Variants in COLEC10 observed in about 807,000 individuals in gnomAD.
COLEC10 encodes the protein collectin-10.
COLEC10 carries 22 observed loss-of-function variants against 28.4 expected under a neutral mutation model. The ratio of observed to expected loss-of-function variants is 0.78; its 90% CI spans 0.55 to 1.11. The LOEUF is 1.11. Ranked by LOEUF, COLEC10 falls within the 50% of genes least tolerant of loss-of-function variation. The pLI is 0.00. For missense variants in COLEC10, 361 were observed against 344.1 expected (o/e 1.05, Z -0.39); for synonymous variants, 125 against 116.1 (o/e 1.08, Z -0.49).
chr8:119,103,690 T>G (rs775218375), intron 4 of COLEC10, 110 bp from the exon 5 acceptor site: 3 of 685,484 alleles, frequency 4.4e-6, no homozygotes, highest in Non-Finnish European at 7.9e-6. Flanking sequence ...TTCACAGATA[T>G]ATAGAACCAG....
At chr8:118,994,702 A>G (rs539998281), upstream of COLEC10, among the ~76,000 whole-genome samples, 1 of 152,296 alleles carries the variant, frequency 6.6e-6, no homozygotes, top group East Asian at 1.9e-4. Context: ...CTCAACACAC[A>G]CACAGAGGGT....
the COLEC10 span, among the ~76,000 whole-genome samples, chr8:118,974,560 G>T: frequency 6.6e-6 from 1 of 151,944 alleles, no homozygotes; most frequent in Non-Finnish European, 1.5e-5. Context: ...CTTGTTCTGG[G>T]AACAACTGTA....
chr8:119,004,741 A>T (rs1044152513), intron 1 of COLEC10, among the ~76,000 whole-genome samples: 1 of 151,766 alleles, frequency 6.6e-6, no homozygotes, highest in African/African-American at 2.4e-5. Flanking sequence ...AACTTGTAGT[A>T]GGTCACCCAA....
chr8:118,998,725 T>C (rs147826068), intron 1 of COLEC10, among the ~76,000 whole-genome samples: 5,891 of 151,074 alleles, frequency 0.039, 177 homozygotes, highest in East Asian at 0.16. Flanking sequence ...CAGGCACCTG[T>C]AGTCCCATCT....
intron 3 of COLEC10, among the ~76,000 whole-genome samples, chr8:119,096,423 CT>C (rs2130293589): frequency 6.6e-6 from 1 of 152,200 alleles, no homozygotes; most frequent in East Asian, 1.9e-4. Context: ...GAAACCCCAT[CT>C]CTACTAAAAA....
At chr8:119,001,062 A>G (rs1052606985) in intron 1 of COLEC10, among the ~76,000 whole-genome samples, 2 of 152,164 alleles carry the variant, frequency 1.3e-5, no homozygotes, top group African/African-American at 4.8e-5. Context: ...ACCTTTTCAT[A>G]TGAGTGAGCT....
chr8:119,105,793 C>T lies in COLEC10; in HGVS notation c.443-7C>T, dbSNP rs1460766226. On this transcript the variant is annotated splice_region_variant and splice_polypyrimidine_tract_variant and intron_variant, in intron 5 of 5. Transcript: ENST00000332843. ...ACGTAATGATACTCCTTTTTCTCTCCCTGCAGTGATAGCAGGGATTAGGGA... is the reference window on the plus strand; with the variant it reads ...ACGTAATGATACTCCTTTTTCTCTCTCTGCAGTGATAGCAGGGATTAGGGA... 2 of 1,600,144 alleles carry T rather than the reference C, an allele frequency of 1.2e-6. No homozygotes were observed. Among genetic ancestry groups the T allele is most frequent in the Non-Finnish European group, 8.5e-7 (1 of 1,171,810 alleles).
intron 1 of COLEC10, among the ~76,000 whole-genome samples, chr8:119,087,991 T>C (rs1053859742): frequency 6.6e-6 from 1 of 152,104 alleles, no homozygotes; most frequent in Non-Finnish European, 1.5e-5. Flanking sequence ...AATTGCTCAA[T>C]AGACATTCAC....
intron 1 of COLEC10, among the ~76,000 whole-genome samples, chr8:119,005,548 A>G (rs2130072223): frequency 6.6e-6 from 1 of 152,236 alleles, no homozygotes; most frequent in Non-Finnish European, 1.5e-5. Flanking sequence ...TCCTGGACCA[A>G]TAGTTCAGAG....
the COLEC10 span, among the ~76,000 whole-genome samples, chr8:118,969,398 T>A: frequency 6.6e-6 from 1 of 152,088 alleles, no homozygotes; most frequent in Admixed American, 6.6e-5. Flanking sequence ...ATCTCCTCAT[T>A]TTTGATTAAG....
intron 1 of COLEC10, among the ~76,000 whole-genome samples, chr8:119,084,638 C>A (rs1815434047): frequency 6.6e-6 from 1 of 152,060 alleles, no homozygotes; most frequent in South Asian, 2.1e-4. Flanking sequence ...GCCTACAGCC[C>A]TTTAAAAAGC....
chr8:119,086,926 C>A (rs1274789407), intron 1 of COLEC10, among the ~76,000 whole-genome samples: 1 of 152,190 alleles, frequency 6.6e-6, no homozygotes, highest in Admixed American at 6.5e-5. Context: ...GCTAGGAGGA[C>A]AAATGCCCCT....
At chr8:119,031,409 G>A (rs925671390) in intron 2 of COLEC10, among the ~76,000 whole-genome samples, 1 of 152,208 alleles carries the variant, frequency 6.6e-6, no homozygotes, top group Non-Finnish European at 1.5e-5. Flanking sequence ...AGAATTCAAG[G>A]TAATGAGATA....
chr8:119,069,543 C>A (rs1234789640), intron 1 of COLEC10, among the ~76,000 whole-genome samples: 2 of 138,088 alleles, frequency 1.4e-5, no homozygotes, highest in African/African-American at 5.3e-5. Context: ...GACAGTTGAG[C>A]CTGCATGGGC....
At chr8:118,995,958 C>T (rs1238122312) in intron 1 of COLEC10, among the ~76,000 whole-genome samples, 2 of 152,020 alleles carry the variant, frequency 1.3e-5, no homozygotes, top group Non-Finnish European at 2.9e-5. Flanking sequence ...TTGTTGACTG[C>T]AGGTACAATG....
At chr8:118,960,716 G>C in the COLEC10 span, among the ~76,000 whole-genome samples, 1 of 151,216 alleles carries the variant, frequency 6.6e-6, no homozygotes, top group African/African-American at 2.4e-5. Context: ...ACCGGTGGGG[G>C]GTGGAGGTTG....
chr8:119,091,119 T>C (rs1248536673), intron 2 of COLEC10, 30 bp from the exon 3 acceptor site: 1 of 1,572,088 alleles, frequency 6.4e-7, no homozygotes, highest in East Asian at 2.2e-5. Context: ...TAAAACCTTA[T>C]GATAAAAAGA....
intron 2 of COLEC10, among the ~76,000 whole-genome samples, chr8:119,041,666 T>C (rs546791429): frequency 1.3e-5 from 2 of 152,310 alleles, no homozygotes; most frequent in South Asian, 4.1e-4. Flanking sequence ...CTAAAGTACT[T>C]AGAGGATACC....
At chr8:119,006,000 T>G (rs1400657851) in intron 1 of COLEC10, among the ~76,000 whole-genome samples, 1 of 152,118 alleles carries the variant, frequency 6.6e-6, no homozygotes, top group Non-Finnish European at 1.5e-5. Flanking sequence ...GGGTCTGTGG[T>G]GTGCAGCAGT....
Sources: gnomAD v4.1 joint callset for allele counts (sites outside exome capture counted in the v4.1 genomes callset) on GRCh38, gnomAD v4.1.1 for gene constraint, MANE v1.5 for transcripts, NCBI Gene and HGNC (gene_info 2026-07-23, HGNC 2026-07-21) for gene names.